RBM45: variants seen among roughly 807,000 people sequenced by gnomAD.
RBM45 encodes the protein RNA-binding protein 45.
In RBM45, 39 loss-of-function variants were observed where a neutral mutation model predicts 58.5. The ratio of observed to expected loss-of-function variants is 0.67; its 90% CI spans 0.52 to 0.87. RBM45 has a LOEUF of 0.87. Ranked by LOEUF, RBM45 falls within the 40% of genes least tolerant of loss-of-function variation. RBM45 has a pLI of 0.00. For missense variants in RBM45, 481 were observed against 581.6 expected (o/e 0.83, Z 1.78); for synonymous variants, 193 against 203.0 (o/e 0.95, Z 0.42).
rs749455196 is a variant in RBM45, at chr2:178,118,178, C to T, written c.547C>T (p.Arg183Ter). The change falls in exon 3 of 10, where the codon CGA (arginine) becomes TGA (stop). Residue 183 changes from arginine (R) to a stop codon, truncating the protein, a stop_gained. Coordinates refer to ENST00000286070, the MANE Select transcript of RBM45 (RefSeq NM_152945.4). LOFTEE classifies it high-confidence loss of function. ...QAAQAIENCD[R>*]SFRAILAEPK... Reference sequence around the variant, plus strand: ...TGCCCAAGCAATAGAAAACTGTGATCGAAGTAAGGATGTGTTTAACATTGT... The same window carrying T: ...TGCCCAAGCAATAGAAAACTGTGATTGAAGTAAGGATGTGTTTAACATTGT... The T allele has an allele frequency of 1.5e-5, 24 of 1,610,334 alleles. No individual in the cohort carries two copies. The highest frequency in any genetic ancestry group is 1.9e-5 in the Non-Finnish European group (22 of 1,178,272).
exon 4 of RBM45, chr2:178,138,904 T>G (rs2088066047): frequency 6.6e-6 from 1 of 152,040 alleles, no homozygotes; most frequent in Admixed American, 6.6e-5. Flanking sequence ...CCTTCTCTTT[T>G]GTAAAGAAAT....
At chr2:178,121,543 C>A (rs758170109) in intron 5 of RBM45, among the ~76,000 whole-genome samples, 184 bp downstream of exon 5, 1 of 151,652 alleles carries the variant, frequency 6.6e-6, no homozygotes, top group Non-Finnish European at 1.5e-5. Flanking sequence ...CTTTAGAATT[C>A]AAAATATGGT....
downstream of RBM45, among the ~76,000 whole-genome samples, chr2:178,134,285 C>T (rs2088027897): frequency 6.6e-6 from 1 of 152,090 alleles, no homozygotes; most frequent in African/African-American, 2.4e-5. Flanking sequence ...ATATGAGGTA[C>T]AAAACTCAAG....
At position 178,123,595 on chromosome 2, in the gene RBM45, C is replaced by G. The variant is rs905431626; in HGVS notation, c.927C>G (p.Tyr309Ter). Residue 309 changes from tyrosine to a stop codon, truncating the protein, a stop_gained, in exon 6 of 10, where the codon TAC becomes TAG. Transcript: ENST00000286070. LOFTEE classifies it high-confidence loss of function. Reference sequence around the variant, plus strand: ...AATACAAATTACATGGATTTCAGTACCCTCCTGGGAACCGAATAGGTGTTT... The same window carrying G: ...AATACAAATTACATGGATTTCAGTAGCCTCCTGGGAACCGAATAGGTGTTT... ...YAKYKLHGFQ[Y>*]PPGNRIGVSF... 9.9e-6 allele frequency: 16 copies of G among 1,610,412 alleles called. No homozygotes were observed. Among genetic ancestry groups the G allele is most frequent in the Non-Finnish European group, 1.2e-5 (14 of 1,178,894 alleles).
chr2:178,115,292 A>T (rs1262800426), intron 1 of RBM45, among the ~76,000 whole-genome samples: 1 of 152,148 alleles, frequency 6.6e-6, no homozygotes, highest in Non-Finnish European at 1.5e-5. Context: ...TTTATCAGAG[A>T]TTTGAAACAC....
intron 3 of RBM45, among the ~76,000 whole-genome samples, chr2:178,118,625 A>G (rs957628592): frequency 2.0e-5 from 3 of 152,156 alleles, no homozygotes; most frequent in African/African-American, 7.2e-5. Flanking sequence ...AACATAGGTA[A>G]CTGATATAGA....
At chr2:178,129,752 A>T (rs334055), downstream of RBM45, 1 of 152,620 alleles carries the variant, frequency 6.6e-6, no homozygotes, top group Non-Finnish European at 1.5e-5. Context: ...TTTGAGATGC[A>T]CATCTTTCAC....
At chr2:178,137,904 G>C (rs2088057789) in exon 4 of RBM45, 1 of 152,132 alleles carries the variant, frequency 6.6e-6, no homozygotes, top group Non-Finnish European at 1.5e-5. Flanking sequence ...TTAGAAAGAA[G>C]GACTTTGTTC....
At chr2:178,115,131 A>G (rs1431861973) in intron 1 of RBM45, among the ~76,000 whole-genome samples, 1 of 152,234 alleles carries the variant, frequency 6.6e-6, no homozygotes, top group African/African-American at 2.4e-5. Flanking sequence ...GAAACCTAGA[A>G]AACAGAAGAA....
In RBM45 at chr2:178,112,654, A is replaced by T. The variant is rs542253600; in HGVS notation, c.108A>T (p.Thr36=). The change falls in exon 1 of 10, where the codon ACA becomes ACT. Residue 36 remains threonine (T), a synonymous_variant. Transcript: ENST00000286070. ...SRIFLVISKY[T]PESVLRERFS... ...TCTTCCTTGTGATCAGCAAGTACAC[A>T]CCTGAGTCGGTGCTGAGGGAGCGCT... The T allele has an allele frequency of 1.2e-6, 2 of 1,614,136 alleles. No individual in the cohort carries two copies. The highest frequency in any genetic ancestry group is 4.5e-5 in the East Asian group (2 of 44,872).
downstream of RBM45, among the ~76,000 whole-genome samples, chr2:178,133,072 G>A (rs1360634033): frequency 2.6e-5 from 4 of 152,088 alleles, no homozygotes; most frequent in African/African-American, 9.7e-5. Flanking sequence ...TGGACCTTAG[G>A]TTGGACTGTT....
intron 1 of RBM45, among the ~76,000 whole-genome samples, chr2:178,113,798 T>C (rs865892387): frequency 1.3e-5 from 2 of 152,236 alleles, no homozygotes; most frequent in Non-Finnish European, 2.9e-5. Context: ...ATGTAAATAG[T>C]TGCTGTGTAT....
chr2:178,119,217 G>T (rs2087817027), intron 3 of RBM45, among the ~76,000 whole-genome samples: 1 of 152,278 alleles, frequency 6.6e-6, no homozygotes, highest in East Asian at 1.9e-4. Flanking sequence ...GACTCAGTAA[G>T]AATTTGCCAA....
At chr2:178,134,786 G>A (rs2088031925) in intron 3 of RBM45, among the ~76,000 whole-genome samples, 1 of 152,136 alleles carries the variant, frequency 6.6e-6, no homozygotes, top group South Asian at 2.1e-4. Context: ...GAGGTCAGGA[G>A]TTTGAGACCA....
At chr2:178,132,580 TTTTGTTTGTTTG>T (rs138416648), downstream of RBM45, among the ~76,000 whole-genome samples, 271 of 151,782 alleles carry the variant, frequency 1.8e-3, no homozygotes, top group Admixed American at 8.2e-3. Flanking sequence ...TGCGGTTCTT[TTTTGTTTGTTTG>T]TTTGTTTGTT....
Position 178,121,080 on chromosome 2 carries a change from T to C in RBM45, c.674-100T>C, listed in dbSNP as rs865915128. On this transcript the variant is annotated intron_variant, in intron 4 of 9. Coordinates refer to ENST00000286070, the MANE Select transcript of RBM45 (RefSeq NM_152945.4). ...AGCGTACTACAAAATACAGTGCCTT[T>C]ATTCAGTACAATGGACTCTGTTTTC... 6 of 562,042 alleles carry C rather than the reference T, an allele frequency of 1.1e-5. No homozygotes were observed. In the Middle Eastern group the frequency reaches 2.2e-3, roughly 207 times the overall value. 34.8% of individuals were successfully genotyped at this position (562,042 alleles called of 1,614,324 possible).
intron 2 of RBM45, 54 bp downstream of exon 2, chr2:178,116,438 G>A: frequency 1.4e-6 from 2 of 1,457,302 alleles, no homozygotes; most frequent in Non-Finnish European, 1.8e-6. Context: ...TGCATAGGTT[G>A]TATGGGTACT....
At chr2:178,120,465 G>T (rs2087835013) in intron 4 of RBM45, 56 bp downstream of exon 4, 2 of 1,473,246 alleles carry the variant, frequency 1.4e-6, no homozygotes, top group Admixed American at 2.4e-5. Context: ...AATCTAATTT[G>T]GGTTTTAAAG....
intron 2 of RBM45, 31 bp from the exon 3 acceptor site, chr2:178,118,023 TC>T (rs2087800766): frequency 6.7e-7 from 1 of 1,502,490 alleles, no homozygotes; most frequent in South Asian, 1.4e-5. Flanking sequence ...TAATTTTAAG[TC>T]CCCTAAAATC....
Sources: allele counts gnomAD v4.1 joint callset (sites outside exome capture counted in the v4.1 genomes callset), GRCh38; gene constraint gnomAD v4.1.1; transcripts MANE v1.5; gene names NCBI Gene and HGNC (gene_info 2026-07-23, HGNC 2026-07-21).